TBC1D32: variants seen among roughly 807,000 people sequenced by gnomAD.
The protein encoded by TBC1D32 is protein broad-minded.
In TBC1D32, 151 loss-of-function variants were observed where a neutral mutation model predicts 170.3. The ratio of observed to expected loss-of-function variants is 0.89; its 90% CI spans 0.78 to 1.01. The LOEUF (loss-of-function observed/expected upper bound fraction) is 1.01, where lower values mean the gene tolerates loss of function less well. Among genes scored for constraint, TBC1D32 ranks in the 50% least tolerant of loss-of-function variants. TBC1D32 has a pLI of 0.00. For synonymous variants in TBC1D32, 498 were observed against 488.0 expected, an observed-to-expected ratio of 1.02 and a Z score of -0.27; for missense variants, 1,464 against 1,457.1, an observed-to-expected ratio of 1.00 and a Z score of -0.08.
chr6:121,298,148 A>T (rs1805935132), intron 10 of TBC1D32, among the ~76,000 whole-genome samples: 2 of 152,130 alleles, frequency 1.3e-5, no homozygotes, highest in African/African-American at 4.8e-5. Flanking sequence ...TTTAAAAAAT[A>T]AATATAAAAT....
intron 20 of TBC1D32, among the ~76,000 whole-genome samples, chr6:121,233,514 A>G (rs995684685): frequency 6.6e-6 from 1 of 152,138 alleles, no homozygotes; most frequent in South Asian, 2.1e-4. Flanking sequence ...TTTGTCTGAT[A>G]TAAGAATAGC....
chr6:121,091,774 GCC>G (rs1288392562), intron 30 of TBC1D32, among the ~76,000 whole-genome samples: 1 of 151,842 alleles, frequency 6.6e-6, no homozygotes, highest in African/African-American at 2.4e-5. Context: ...ATATGTCAAA[GCC>G]CTAACCCCCA....
chr6:121,334,648 C>A, upstream of TBC1D32: 2 of 591,550 alleles, frequency 3.4e-6, no homozygotes, highest in Non-Finnish European at 6.0e-6. Context: ...CGAGGTCTCG[C>A]CTCTGGTACT....
intron 15 of TBC1D32, among the ~76,000 whole-genome samples, chr6:121,275,674 A>C (rs1343132972): frequency 6.6e-6 from 1 of 152,196 alleles, no homozygotes; most frequent in East Asian, 1.9e-4. Context: ...GGTAAAATTC[A>C]ACTATTTTGA....
intron 29 of TBC1D32, among the ~76,000 whole-genome samples, chr6:121,111,844 C>G (rs1273326954): frequency 6.6e-6 from 1 of 152,004 alleles, no homozygotes; most frequent in African/African-American, 2.4e-5. Context: ...TTTCACTGTC[C>G]AAATGCAACA....
chr6:121,119,394 C>T (rs541981741), intron 26 of TBC1D32, among the ~76,000 whole-genome samples: 1 of 152,080 alleles, frequency 6.6e-6, no homozygotes, highest in African/African-American at 2.4e-5. Context: ...TAGAAGAGAG[C>T]ATTTTTGCTT....
chr6:121,186,390 T>C (rs954130183), intron 22 of TBC1D32, among the ~76,000 whole-genome samples: 13 of 151,856 alleles, frequency 8.6e-5, no homozygotes, highest in African/African-American at 2.7e-4. Flanking sequence ...ACAGAGAAGA[T>C]GACAAAGGGC....
At chr6:121,083,579 T>G (rs556033502) in intron 31 of TBC1D32, among the ~76,000 whole-genome samples, 10 of 150,092 alleles carry the variant, frequency 6.7e-5, no homozygotes, top group Admixed American at 1.3e-4. Context: ...ATTTCAAATA[T>G]GCATTCATCT....
intron 17 of TBC1D32, among the ~76,000 whole-genome samples, chr6:121,253,323 TACAA>T (rs1366414984): frequency 6.6e-6 from 1 of 151,382 alleles, no homozygotes; most frequent in African/African-American, 2.4e-5. Context: ...TCTCAAAACG[TACAA>T]ACAGCCAACG....
chr6:121,317,686 G>T lies in TBC1D32; in HGVS notation c.318-14C>A, dbSNP rs767205886. On this transcript the variant is annotated splice_polypyrimidine_tract_variant and intron_variant, in intron 2 of 31. Transcript: ENST00000398212. ...ATTTCTTTGTACCTTTAAATTCAAGGTAGTCTTAATAAGAGAAAGACGATC... is the reference window on the plus strand; with the variant it reads ...ATTTCTTTGTACCTTTAAATTCAAGTTAGTCTTAATAAGAGAAAGACGATC... 4 of 1,546,164 alleles carry T rather than the reference G, an allele frequency of 2.6e-6. No homozygotes were observed. The highest frequency in any genetic ancestry group is 2.5e-5 in the South Asian group (2 of 80,198).
chr6:121,251,737 G>A lies in TBC1D32; in HGVS notation c.2018+3591C>T, dbSNP rs1798317942. Among the ~76,000 whole-genome samples the A allele has an allele frequency of 2.6e-5, 4 of 152,134 alleles. No homozygotes were observed. The South Asian group carries it at 8.3e-4, about 31-fold the overall frequency. ...AATTAAACTACAGAGTTTCTGCAAA[G>A]CAAAAGAAACTATCATCAGAGTGAA... On this transcript the variant is annotated intron_variant, in intron 17 of 31. Coordinates refer to ENST00000398212, the MANE Select transcript of TBC1D32 (RefSeq NM_152730.6).
At chr6:121,222,045 C>T (rs1794584777) in intron 21 of TBC1D32, among the ~76,000 whole-genome samples, 2 of 152,142 alleles carry the variant, frequency 1.3e-5, no homozygotes, top group South Asian at 2.1e-4. Flanking sequence ...GCCACCCCAG[C>T]CCACAACAAC....
chr6:121,117,934 T>C (rs918747941), intron 26 of TBC1D32, among the ~76,000 whole-genome samples: 1 of 151,982 alleles, frequency 6.6e-6, no homozygotes, highest in African/African-American at 2.4e-5. Flanking sequence ...ATCTCAAAAA[T>C]AAAATCGATG....
intron 30 of TBC1D32, among the ~76,000 whole-genome samples, chr6:121,104,396 A>G (rs1460445837): frequency 6.6e-6 from 1 of 151,700 alleles, no homozygotes; most frequent in Non-Finnish European, 1.5e-5. Flanking sequence ...GGATTCTTCT[A>G]TAGCACTGAT....
intron 26 of TBC1D32, among the ~76,000 whole-genome samples, chr6:121,123,157 G>GT (rs992392565): frequency 1.3e-5 from 2 of 152,084 alleles, no homozygotes; most frequent in Non-Finnish European, 2.9e-5. Flanking sequence ...TCAGTATGAT[G>GT]TTAGCTGTGA....
intron 25 of TBC1D32, among the ~76,000 whole-genome samples, chr6:121,128,923 G>GT (rs1297646857): frequency 6.6e-6 from 1 of 152,114 alleles, no homozygotes; most frequent in African/African-American, 2.4e-5. Flanking sequence ...TGAGGGCTCT[G>GT]TCCTCATGAA....
chr6:121,315,947 C>T (rs1191796335), intron 3 of TBC1D32, among the ~76,000 whole-genome samples: 1 of 152,174 alleles, frequency 6.6e-6, no homozygotes, highest in Admixed American at 6.5e-5. Flanking sequence ...ACTTTCAACC[C>T]AATTAGTGCC....
At position 121,312,904 on chromosome 6, in the gene TBC1D32, A is replaced by C. The variant is rs192952853; in HGVS notation, c.496-2057T>G. ...TCCACTTGCTTTCTGAGGACTCCCT[A>C]CTCTGTAACTGAGTAGCTTTCAATA... is the stretch of plus-strand genomic sequence containing the variant. On this transcript the variant is annotated intron_variant, in intron 3 of 31. Coordinates refer to ENST00000398212, the MANE Select transcript of TBC1D32 (RefSeq NM_152730.6). Among the ~76,000 whole-genome samples the C allele has an allele frequency of 3.1e-3, 477 of 152,194 alleles. 7 individuals carry two copies. Among genetic ancestry groups the C allele is most frequent in the African/African-American group, 0.011 (463 of 41,526 alleles).
At chr6:121,208,977 G>A (rs1419562596) in intron 21 of TBC1D32, among the ~76,000 whole-genome samples, 1 of 152,050 alleles carries the variant, frequency 6.6e-6, no homozygotes, top group Non-Finnish European at 1.5e-5. Flanking sequence ...CCCTCCTATG[G>A]GGAATGGAGG....
Sources: allele counts gnomAD v4.1 joint callset (sites outside exome capture counted in the v4.1 genomes callset), GRCh38; gene constraint gnomAD v4.1.1; transcripts MANE v1.5; gene names NCBI Gene and HGNC (gene_info 2026-07-23, HGNC 2026-07-21).